Variants in DLG2 observed in about 807,000 individuals in gnomAD.
DLG2 encodes discs large MAGUK scaffold protein 2.
DLG2 carries 45 observed loss-of-function variants against 132.5 expected under a neutral mutation model. The observed-to-expected ratio is 0.34, with a 90% CI of 0.27 to 0.44. The LOEUF is 0.44. Ranked by LOEUF, DLG2 falls within the 20% of genes least tolerant of loss-of-function variation. DLG2 has a pLI of 1.00. For synonymous variants in DLG2, 424 were observed against 419.6 expected (o/e 1.01, Z -0.13); for missense variants, 1,045 against 1,196.9 (o/e 0.87, Z 1.87).
At chr11:84,907,555 C>A (rs577804936) in intron 6 of DLG2, among the ~76,000 whole-genome samples, 8 of 152,210 alleles carry the variant, frequency 5.3e-5, no homozygotes, top group Non-Finnish European at 1.2e-4. Context: ...AAAACAGTTT[C>A]TTCGGAGCTG....
chr11:83,877,923 G>T (rs1031923484), intron 15 of DLG2, among the ~76,000 whole-genome samples: 2 of 152,162 alleles, frequency 1.3e-5, no homozygotes, highest in South Asian at 2.1e-4. Flanking sequence ...GACCAAGTAG[G>T]TTCTATCGTT....
chr11:85,060,952 C>T (rs552366744), intron 6 of DLG2, among the ~76,000 whole-genome samples: 1 of 151,024 alleles, frequency 6.6e-6, no homozygotes, highest in Admixed American at 6.6e-5. Context: ...GAAGTGATAT[C>T]TCCTTGTGGT....
chr11:84,418,959 G>A (rs2098939276), intron 7 of DLG2, among the ~76,000 whole-genome samples: 1 of 151,948 alleles, frequency 6.6e-6, no homozygotes, highest in Non-Finnish European at 1.5e-5. Context: ...AAAACTTTTG[G>A]TTTGACTTGG....
At position 84,106,775 on chromosome 11, in the gene DLG2, A is replaced by G. The variant is rs148742458; in HGVS notation, c.625-7728T>C. Among the ~76,000 whole-genome samples the G allele has an allele frequency of 1.5e-3, 234 of 151,890 alleles. 1 individual carries two copies. The highest frequency in any genetic ancestry group is 5.4e-3 in the African/African-American group (225 of 41,446). On this transcript the variant is annotated intron_variant, in intron 9 of 27. Transcript: ENST00000376104. The stretch of plus-strand genomic sequence containing the variant: ...ATTGTAGACCAAAGAACTCCTGAGA[A>G]GCAAAGAAAAGTAAACACAGTGAAA...
intron 15 of DLG2, among the ~76,000 whole-genome samples, chr11:83,879,968 T>C: frequency 6.6e-6 from 1 of 152,162 alleles, no homozygotes; most frequent in East Asian, 1.9e-4. Context: ...TTTTAAAGGA[T>C]GGTGAAGGAA....
chr11:84,461,653 G>T (rs2099080450), intron 7 of DLG2, among the ~76,000 whole-genome samples: 1 of 150,904 alleles, frequency 6.6e-6, no homozygotes, highest in Admixed American at 6.6e-5. Flanking sequence ...TTCAAGATAG[G>T]CTTTGGGTGA....
At chr11:83,816,805 T>C (rs1231655260) in intron 17 of DLG2, among the ~76,000 whole-genome samples, 1 of 152,202 alleles carries the variant, frequency 6.6e-6, no homozygotes, top group Admixed American at 6.5e-5. Context: ...ACAAAAGATA[T>C]AACTACATTT....
At chr11:84,376,027 G>A (rs7111176) in intron 7 of DLG2, among the ~76,000 whole-genome samples, 8,599 of 151,652 alleles carry the variant, frequency 0.057, 820 homozygotes, top group African/African-American at 0.19. Context: ...TTTTTTCCAC[G>A]TAATAAGATG....
At chr11:84,837,105 A>G (rs920516968) in intron 6 of DLG2, among the ~76,000 whole-genome samples, 8 of 151,780 alleles carry the variant, frequency 5.3e-5, no homozygotes, top group Non-Finnish European at 1.0e-4. Flanking sequence ...GTGAGAACAT[A>G]TAACATATAC....
At chr11:84,249,303 T>C (rs1484237377) in intron 8 of DLG2, among the ~76,000 whole-genome samples, 1 of 152,212 alleles carries the variant, frequency 6.6e-6, no homozygotes, top group Non-Finnish European at 1.5e-5. Context: ...GAAGCTTCTG[T>C]GACAAGTTAT....
intron 6 of DLG2, among the ~76,000 whole-genome samples, chr11:85,105,265 T>C (rs532903130): frequency 2.6e-5 from 4 of 151,942 alleles, no homozygotes; most frequent in Non-Finnish European, 4.4e-5. Context: ...GTGGGTTCCC[T>C]TTCTGGGCAT....
intron 3 of DLG2, among the ~76,000 whole-genome samples, chr11:85,302,198 C>T (rs528087669): frequency 6.6e-4 from 100 of 152,296 alleles, no homozygotes; most frequent in African/African-American, 2.3e-3. Flanking sequence ...ACACTACTAA[C>T]ATATCACAAA....
chr11:85,611,574 A>G (rs1193388986), intron 2 of DLG2, among the ~76,000 whole-genome samples: 1 of 152,246 alleles, frequency 6.6e-6, no homozygotes, highest in Non-Finnish European at 1.5e-5. Flanking sequence ...TAATGATGTA[A>G]CCGTACTTGA....
chr11:84,180,906 GA>G (rs2154279574), intron 8 of DLG2, among the ~76,000 whole-genome samples: 1 of 151,982 alleles, frequency 6.6e-6, no homozygotes, highest in Non-Finnish European at 1.5e-5. Flanking sequence ...TATCTTGAGA[GA>G]AATATTGCAG....
At chr11:85,214,424 T>G (rs1011510949) in intron 4 of DLG2, among the ~76,000 whole-genome samples, 1 of 151,988 alleles carries the variant, frequency 6.6e-6, no homozygotes, top group Non-Finnish European at 1.5e-5. Context: ...TTGAAATTCC[T>G]CAACTTCATA....
chr11:84,718,850 A>C (rs559509647), intron 6 of DLG2, among the ~76,000 whole-genome samples: 2 of 152,192 alleles, frequency 1.3e-5, no homozygotes, highest in Non-Finnish European at 2.9e-5. Flanking sequence ...ACAAACCTTC[A>C]ACAATTCTAA....
chr11:83,659,647 G>A (rs946918343), intron 18 of DLG2, among the ~76,000 whole-genome samples: 1 of 152,204 alleles, frequency 6.6e-6, no homozygotes, highest in Non-Finnish European at 1.5e-5. Flanking sequence ...TTACTCTCAT[G>A]ATATAGACAA....
chr11:83,494,893 C>T lies in DLG2; in HGVS notation c.2194-10665G>A, dbSNP rs184875938. Among the ~76,000 whole-genome samples, 26 of 152,286 alleles carry T rather than the reference C, an allele frequency of 1.7e-4. No individual in the cohort carries two copies. In the East Asian group the frequency reaches 4.8e-3, roughly 28 times the overall value. ...ATGAGATAGGCCACATGCAGCTAAA[C>T]CACATGAAGAACTAGAATAGAAGAT... On this transcript the variant is annotated intron_variant, in intron 21 of 27. Transcript: ENST00000376104.
intron 6 of DLG2, among the ~76,000 whole-genome samples, chr11:84,799,644 C>G (rs1047132633): frequency 6.6e-6 from 1 of 152,142 alleles, no homozygotes; most frequent in Non-Finnish European, 1.5e-5. Flanking sequence ...CAATTTCTTA[C>G]GTCTAGAGGA....
Sources: gnomAD v4.1 joint callset for allele counts (sites outside exome capture counted in the v4.1 genomes callset) on GRCh38, gnomAD v4.1.1 for gene constraint, MANE v1.5 for transcripts, NCBI Gene and HGNC (gene_info 2026-07-23, HGNC 2026-07-21) for gene names.